EMSY: variants seen among roughly 807,000 people sequenced by gnomAD.
The protein encoded by EMSY is BRCA2-interacting transcriptional repressor EMSY.
In EMSY, 26 loss-of-function variants were observed where a neutral mutation model predicts 134.6. The ratio of observed to expected loss-of-function variants is 0.19; its 90% CI spans 0.14 to 0.27. EMSY has a LOEUF of 0.27. Ranked by LOEUF, EMSY falls within the 10% of genes least tolerant of loss-of-function variation. EMSY has a pLI of 1.00. For missense variants in EMSY, 1,305 were observed against 1,611.4 expected, an observed-to-expected ratio of 0.81 and a Z score of 3.26; for synonymous variants, 579 against 577.8, an observed-to-expected ratio of 1.00 and a Z score of -0.03.
At chr11:76,544,066 A>G (rs1296082095) in intron 18 of EMSY, among the ~76,000 whole-genome samples, 193 bp from the exon 20 acceptor site, 1 of 152,220 alleles carries the variant, frequency 6.6e-6, no homozygotes, top group Admixed American at 6.5e-5. Flanking sequence ...TAAGTAGACC[A>G]GTTTTCGAAG....
At position 76,535,749 on chromosome 11, in the gene EMSY, G is replaced by A. The variant is rs73495421; in HGVS notation, c.2195-146G>A. On this transcript the variant is annotated intron_variant, in intron 14 of 20. Coordinates refer to ENST00000334736, the Ensembl canonical transcript of EMSY. Reference sequence around the variant, plus strand: ...AAGTGAAAGACATTATGCCTTCTAGGGGCTTATAGTCTTCTTGGGGAGATA... The same window carrying A: ...AAGTGAAAGACATTATGCCTTCTAGAGGCTTATAGTCTTCTTGGGGAGATA... The A allele has an allele frequency of 1.4e-3, 744 of 537,406 alleles. 3 individuals are homozygous for A. Among genetic ancestry groups the A allele is most frequent in the African/African-American group, 0.013 (677 of 51,378 alleles). The allele number at this position is 537,406 out of a possible 1,614,324, so 33.3% of individuals were successfully genotyped here.
intron 9 of EMSY, among the ~76,000 whole-genome samples, chr11:76,499,511 T>C (rs1006639857): frequency 6.6e-6 from 1 of 151,802 alleles, no homozygotes; most frequent in East Asian, 1.9e-4. Flanking sequence ...ATGGTCTCAA[T>C]CTCCTGACCT....
chr11:76,483,579 C>CA (rs1343200443), intron 8 of EMSY, among the ~76,000 whole-genome samples: 2 of 150,686 alleles, frequency 1.3e-5, no homozygotes, highest in Non-Finnish European at 3.0e-5. Context: ...AAATGGAAAG[C>CA]AAAAAAAAGC....
At chr11:76,489,491 C>T (rs1949329829) in intron 8 of EMSY, among the ~76,000 whole-genome samples, 1 of 151,962 alleles carries the variant, frequency 6.6e-6, no homozygotes, top group African/African-American at 2.4e-5. Context: ...TCATTATGAA[C>T]CATTCCTTTT....
chr11:76,528,585 C>CTTTTTTTTTTTTTTTT (rs1202039448), intron 14 of EMSY, 119 bp downstream of exon 15: 1 of 391,284 alleles, frequency 2.6e-6, no homozygotes, highest in African/African-American at 2.4e-5. Context: ...AATTCTTTTC[C>CTTTTTTTTTTTTTTTT]TTTTTTTTTT....
chr11:76,480,880 C>T (rs964868403), intron 8 of EMSY, among the ~76,000 whole-genome samples: 1 of 152,348 alleles, frequency 6.6e-6, no homozygotes, highest in Middle Eastern at 3.4e-3. Flanking sequence ...ACAGTGCATT[C>T]AGGCCCAGAT....
intron 14 of EMSY, among the ~76,000 whole-genome samples, chr11:76,533,175 A>G (rs1340984106): frequency 6.6e-6 from 1 of 152,160 alleles, no homozygotes; most frequent in Non-Finnish European, 1.5e-5. Context: ...TTAGTTTAGA[A>G]GCAATGATTT....
intron 2 of EMSY, among the ~76,000 whole-genome samples, chr11:76,447,687 C>T (rs566861327): frequency 2.6e-5 from 4 of 152,248 alleles, no homozygotes; most frequent in Admixed American, 6.5e-5. Context: ...GAACTAACTT[C>T]GCCCTGTGCA....
intron 1 of EMSY, 143 bp from the exon 2 acceptor site, chr11:76,446,757 A>G (rs1947429987): frequency 7.4e-6 from 4 of 540,876 alleles, no homozygotes; most frequent in Non-Finnish European, 1.3e-5. Context: ...CAAAAGTTGG[A>G]AAGTGTGGTG....
In EMSY at chr11:76,546,267, TG is replaced by T; in HGVS notation, c.3745del (p.Glu1249LysfsTer35). 1 of 1,612,810 alleles carries T rather than the reference TG, an allele frequency of 6.2e-7. No homozygotes were observed. The highest frequency in any genetic ancestry group is 8.5e-7 in the Non-Finnish European group (1 of 1,179,506). On this transcript the variant is annotated frameshift_variant, in exon 20 of 21. Coordinates refer to ENST00000334736, the Ensembl canonical transcript of EMSY. LOFTEE classifies it high-confidence loss of function. ...TTCAGAATGTAGGCCAAAAGAAAGCTGAAGAGAGTCCAGCAGAAATTATCAT... is the reference window on the plus strand; with the variant it reads ...TTCAGAATGTAGGCCAAAAGAAAGCTAAGAGAGTCCAGCAGAAATTATCAT...
chr11:76,517,286 TTTAAGTG>T (rs1950481343), intron 11 of EMSY, among the ~76,000 whole-genome samples: 1 of 152,168 alleles, frequency 6.6e-6, no homozygotes, highest in African/African-American at 2.4e-5. Flanking sequence ...TGGCTCTACT[TTTAAGTG>T]TAAGTGAGAA....
At chr11:76,455,146 C>T (rs983041535) in intron 4 of EMSY, among the ~76,000 whole-genome samples, 1 of 151,860 alleles carries the variant, frequency 6.6e-6, no homozygotes, top group Non-Finnish European at 1.5e-5. Context: ...TTTCCCTCCT[C>T]TCTCCATCAG....
intron 16 of EMSY, 36 bp from the exon 18 acceptor site, chr11:76,539,563 A>G (rs1403579475): frequency 6.2e-7 from 1 of 1,608,126 alleles, no homozygotes; most frequent in African/African-American, 1.3e-5. Flanking sequence ...GAACAGATGA[A>G]AAGACTATGA....
chr11:76,502,527 T>C (rs974262465), intron 9 of EMSY, among the ~76,000 whole-genome samples: 7 of 147,526 alleles, frequency 4.7e-5, no homozygotes, highest in Non-Finnish European at 1.0e-4. Flanking sequence ...TCCTTTATAT[T>C]ATTAAAAAAA....
At chr11:76,546,644 T>C (rs1305908764) in intron 20 of EMSY, among the ~76,000 whole-genome samples, 4 of 152,128 alleles carry the variant, frequency 2.6e-5, no homozygotes, top group African/African-American at 7.2e-5. Flanking sequence ...TGGGTTCAAA[T>C]TTTGTACTCC....
At chr11:76,455,452 G>T (rs1382786284) in intron 4 of EMSY, among the ~76,000 whole-genome samples, 1 of 151,998 alleles carries the variant, frequency 6.6e-6, no homozygotes, top group Non-Finnish European at 1.5e-5. Context: ...TAGCAACAGA[G>T]CCTAGTTCCA....
intron 6 of EMSY, chr11:76,461,031 C>G (rs1310275087): frequency 6.6e-6 from 1 of 152,184 alleles, no homozygotes; most frequent in East Asian, 1.9e-4. Flanking sequence ...TAATTTGGCT[C>G]ACGATTCTGC....
At chr11:76,463,688 A>AAGATTGAT (rs1286519433) in intron 6 of EMSY, 133 bp from the exon 8 acceptor site, 13 of 957,948 alleles carry the variant, frequency 1.4e-5, no homozygotes, top group Non-Finnish European at 1.5e-5. Flanking sequence ...TCTCTGAGGG[A>AAGATTGAT]AGATTGATAG....
intron 11 of EMSY, among the ~76,000 whole-genome samples, chr11:76,518,328 T>A (rs1169307119): frequency 6.6e-6 from 1 of 151,640 alleles, no homozygotes; most frequent in African/African-American, 2.4e-5. Context: ...CCACCATGCT[T>A]GGCTAATTTT....
Sources: gnomAD v4.1 joint callset for allele counts (sites outside exome capture counted in the v4.1 genomes callset) on GRCh38, gnomAD v4.1.1 for gene constraint, MANE v1.5 for transcripts, NCBI Gene and HGNC (gene_info 2026-07-23, HGNC 2026-07-21) for gene names.